The following CDH13 variants were observed in gnomAD, a reference collection of about 807,000 sequenced individuals.
CDH13 encodes cadherin-13.
Under a neutral mutation model 63.8 loss-of-function variants are expected in CDH13, and 24 were observed. The ratio of observed to expected loss-of-function variants is 0.38; its 90% CI spans 0.27 to 0.53. The LOEUF is 0.53. Among genes scored for constraint, CDH13 ranks in the 20% least tolerant of loss-of-function variants. The pLI is 0.85. For missense variants in CDH13, 1,049 were observed against 903.1 expected, an observed-to-expected ratio of 1.16 and a Z score of -2.07; for synonymous variants, 503 against 355.3, an observed-to-expected ratio of 1.42 and a Z score of -4.67.
At chr16:83,522,091 C>T (rs1179139021) in intron 7 of CDH13, among the ~76,000 whole-genome samples, 2 of 152,224 alleles carry the variant, frequency 1.3e-5, no homozygotes, top group African/African-American at 2.4e-5. Context: ...CAGTTCTCCC[C>T]TGCTGCGCAG....
At chr16:83,259,575 C>T (rs1196184901) in intron 5 of CDH13, among the ~76,000 whole-genome samples, 3 of 152,200 alleles carry the variant, frequency 2.0e-5, no homozygotes, top group Non-Finnish European at 2.9e-5. Flanking sequence ...ACATAGATTA[C>T]AGGCAGAGAA....
chr16:83,426,165 C>T (rs550052887), intron 6 of CDH13, among the ~76,000 whole-genome samples: 1 of 152,218 alleles, frequency 6.6e-6, no homozygotes, highest in South Asian at 2.1e-4. Flanking sequence ...GAAGCTCATG[C>T]CATCTGATTA....
At chr16:82,689,557 C>T (rs948109615) in intron 1 of CDH13, among the ~76,000 whole-genome samples, 1 of 152,164 alleles carries the variant, frequency 6.6e-6, no homozygotes, top group African/African-American at 2.4e-5. Context: ...TGACTTCCGT[C>T]ACTGCCATAT....
intron 6 of CDH13, among the ~76,000 whole-genome samples, chr16:83,371,293 C>T (rs2091362697): frequency 6.6e-6 from 1 of 152,208 alleles, no homozygotes; most frequent in South Asian, 2.1e-4. Flanking sequence ...CCTCTCCTTC[C>T]TGCATCTTCA....
chr16:83,585,452 C>G (rs74035204), intron 7 of CDH13, among the ~76,000 whole-genome samples: 4,432 of 152,184 alleles, frequency 0.029, 220 homozygotes, highest in African/African-American at 0.099. Flanking sequence ...TTTGATGCAT[C>G]TACCAGAACA....
chr16:82,806,963 C>G (rs922366563), intron 1 of CDH13, among the ~76,000 whole-genome samples: 6 of 152,106 alleles, frequency 3.9e-5, no homozygotes, highest in African/African-American at 1.4e-4. Flanking sequence ...GGGGTGAAAT[C>G]CAAGACAACT....
intron 2 of CDH13, among the ~76,000 whole-genome samples, chr16:82,944,416 G>C (rs1484062017): frequency 2.0e-5 from 3 of 152,164 alleles, no homozygotes; most frequent in African/African-American, 4.8e-5. Context: ...AGAGAAGTTG[G>C]TCAGGAAGGT....
chr16:82,972,146 T>G (rs1380052082), intron 2 of CDH13, among the ~76,000 whole-genome samples: 3 of 152,074 alleles, frequency 2.0e-5, no homozygotes, highest in Non-Finnish European at 4.4e-5. Context: ...GGGACACTGA[T>G]TAGGCACAGA....
chr16:83,008,645 G>C (rs1456346762), intron 2 of CDH13, among the ~76,000 whole-genome samples: 1 of 152,166 alleles, frequency 6.6e-6, no homozygotes, highest in Admixed American at 6.5e-5. Flanking sequence ...CACTGGGTGT[G>C]GGAGATGGGT....
At chr16:83,603,942 G>A (rs541210960) in intron 8 of CDH13, among the ~76,000 whole-genome samples, 1 of 152,220 alleles carries the variant, frequency 6.6e-6, no homozygotes, top group East Asian at 1.9e-4. Context: ...GAGCAAAGGG[G>A]AAGGTGCCAC....
intron 1 of CDH13, among the ~76,000 whole-genome samples, chr16:82,837,519 T>A (rs1481102019): frequency 2.0e-5 from 3 of 151,896 alleles, no homozygotes; most frequent in Non-Finnish European, 4.4e-5. Flanking sequence ...TTTATTACGG[T>A]GAAAATATAC....
intron 5 of CDH13, among the ~76,000 whole-genome samples, chr16:83,287,240 G>T (rs569651790): frequency 1.3e-5 from 2 of 152,290 alleles, no homozygotes; most frequent in Admixed American, 6.5e-5. Flanking sequence ...ACCCAGACTG[G>T]GGCCAGCTGA....
intron 1 of CDH13, among the ~76,000 whole-genome samples, chr16:82,808,634 G>A (rs2037279556): frequency 6.6e-6 from 1 of 152,130 alleles, no homozygotes; most frequent in Admixed American, 6.6e-5. Context: ...GATGATGTTG[G>A]AAAAGTTTCA....
chr16:83,539,070 G>T (rs1053451022), intron 7 of CDH13, among the ~76,000 whole-genome samples: 1 of 151,894 alleles, frequency 6.6e-6, no homozygotes, highest in Admixed American at 6.6e-5. Flanking sequence ...TCGAAACTTT[G>T]ATTTTAAAGG....
At chr16:82,725,994 T>G (rs2033074014) in intron 1 of CDH13, among the ~76,000 whole-genome samples, 1 of 152,116 alleles carries the variant, frequency 6.6e-6, no homozygotes, top group South Asian at 2.1e-4. Context: ...GCACAGAGGG[T>G]GGCCGTGCCA....
chr16:82,855,374 A>G (rs1039167000), intron 1 of CDH13, among the ~76,000 whole-genome samples: 35 of 152,046 alleles, frequency 2.3e-4, no homozygotes, highest in African/African-American at 7.5e-4. Context: ...TCTGGGAGAA[A>G]TTTCACCTTC....
chr16:82,845,602 C>T (rs1244264704), intron 1 of CDH13, among the ~76,000 whole-genome samples: 1 of 152,114 alleles, frequency 6.6e-6, no homozygotes, highest in Non-Finnish European at 1.5e-5. Flanking sequence ...TGGTGTAGAC[C>T]AGACAAGGTT....
chr16:83,463,564 G>T (rs889937527), intron 6 of CDH13, among the ~76,000 whole-genome samples: 31 of 152,300 alleles, frequency 2.0e-4, no homozygotes, highest in South Asian at 1.0e-3. Context: ...GCTTTGGCAG[G>T]CCACAGCAGG....
intron 6 of CDH13, among the ~76,000 whole-genome samples, chr16:83,381,096 C>G (rs1257112744): frequency 6.6e-6 from 1 of 152,146 alleles, no homozygotes; most frequent in East Asian, 1.9e-4. Flanking sequence ...TTCCAGGAAA[C>G]ATGCTAAGTA....
Sources: gnomAD v4.1 joint callset for allele counts (sites outside exome capture counted in the v4.1 genomes callset) on GRCh38, gnomAD v4.1.1 for gene constraint, MANE v1.5 for transcripts, NCBI Gene and HGNC (gene_info 2026-07-23, HGNC 2026-07-21) for gene names.